The following CCDC17 variants were observed in gnomAD, a reference collection of about 807,000 sequenced individuals.
CCDC17 encodes the protein coiled-coil domain-containing protein 17.
A neutral mutation model predicts 68.0 loss-of-function variants in CCDC17; 79 were observed. The ratio of observed to expected loss-of-function variants is 1.16; its 90% CI spans 0.97 to 1.40. CCDC17 has a LOEUF of 1.40. Ranked by LOEUF, CCDC17 falls within the 40% of genes most tolerant of loss-of-function variation. The pLI is 0.00. For synonymous variants in CCDC17, 376 were observed against 337.5 expected (o/e 1.11, Z -1.25); for missense variants, 846 against 811.5 (o/e 1.04, Z -0.52).
At chr1:45,620,600 G>A (rs1167777989) in intron 12 of CCDC17, 123 bp downstream of exon 12, 1 of 1,506,548 alleles carries the variant, frequency 6.6e-7, no homozygotes, top group South Asian at 1.3e-5. Flanking sequence ...AGAGATGTGA[G>A]GATCAAACAA....
chr1:45,621,581 C>T, intron 9 of CCDC17, 57 bp downstream of exon 9: 9 of 1,600,458 alleles, frequency 5.6e-6, no homozygotes, highest in Non-Finnish European at 7.7e-6. Flanking sequence ...AGTGGGCTCC[C>T]TTAACCAGCA....
intron 3 of CCDC17, 49 bp from the exon 4 acceptor site, chr1:45,623,166 A>T: frequency 6.5e-7 from 1 of 1,539,030 alleles, no homozygotes; most frequent in Non-Finnish European, 8.8e-7. Context: ...AGCTTAAGCC[A>T]AACGGCGAGG....
At chr1:45,621,786 TC>T in intron 8 of CCDC17, 51 bp from the exon 9 acceptor site, 2 of 1,606,202 alleles carry the variant, frequency 1.2e-6, no homozygotes, top group Non-Finnish European at 1.7e-6. Context: ...CTGCTCATGT[TC>T]CCCCAACTGC....
chr1:45,621,898 T>A lies in CCDC17; in HGVS notation c.1065A>T (p.Pro355=). Residue 355 remains proline (P), a synonymous_variant, in exon 8 of 13, where the codon CCA becomes CCT. Coordinates refer to ENST00000528266, the MANE Select transcript of CCDC17 (RefSeq NM_001114938.3). ...GAACCTCCGAGAAGCCTGGAAGTGG[T>A]GGCAGCGGTGGTGCCACCGGTGGCG... The part of the protein sequence containing the change: ...LLPPPVAPPL[P]PLPGFSEPQL... 2 of 1,601,516 alleles carry A rather than the reference T, an allele frequency of 1.2e-6. No homozygotes were observed. Among genetic ancestry groups the A allele is most frequent in the Non-Finnish European group, 1.7e-6 (2 of 1,175,014 alleles).
chr1:45,621,562 T>C, intron 9 of CCDC17, 76 bp downstream of exon 9: 1 of 1,586,680 alleles, frequency 6.3e-7, no homozygotes, highest in South Asian at 1.1e-5. Flanking sequence ...CCTAACCCTA[T>C]CTGGTCCTAG....
Position 45,622,229 on chromosome 1 carries a change from G to T in CCDC17, c.967+12C>A, listed in dbSNP as rs1436068907. ...ATAAGTGGGATGGGATAGGGTTGGGGTGCTCACTGACCCAAGGGTGCCCGA... is the reference window on the plus strand; with the variant it reads ...ATAAGTGGGATGGGATAGGGTTGGGTTGCTCACTGACCCAAGGGTGCCCGA... On this transcript the variant is annotated intron_variant, in intron 7 of 12. Transcript: ENST00000528266. 1 of 1,607,824 alleles carries T rather than the reference G, an allele frequency of 6.2e-7. No individual in the cohort carries two copies. The highest frequency in any genetic ancestry group is 1.1e-5 in the South Asian group (1 of 90,318).
Position 45,622,953 on chromosome 1 carries a change from A to G in CCDC17, c.656+2T>C, listed in dbSNP as rs1644326454. On this transcript the variant is annotated splice_donor_variant, in intron 4 of 12. Coordinates refer to ENST00000528266, the MANE Select transcript of CCDC17 (RefSeq NM_001114938.3). LOFTEE classifies it high-confidence loss of function. ...CCGGGGATCCGCTTAGTCGGGTCTCACCCTGGCTCCGCCTGCAGCTCCTGA... is the reference window on the plus strand; with the variant it reads ...CCGGGGATCCGCTTAGTCGGGTCTCGCCCTGGCTCCGCCTGCAGCTCCTGA... 1 of 1,596,944 alleles carries G rather than the reference A, an allele frequency of 6.3e-7. No individual in the cohort carries two copies. Among genetic ancestry groups the G allele is most frequent in the Non-Finnish European group, 8.5e-7 (1 of 1,170,906 alleles).
chr1:45,623,868 C>G lies in CCDC17; in HGVS notation c.42G>C (p.Gly14=). 1 of 1,547,740 alleles carries G rather than the reference C, an allele frequency of 6.5e-7. No individual in the cohort carries two copies. Among genetic ancestry groups the G allele is most frequent in the African/African-American group, 1.4e-5 (1 of 73,022 alleles). The change falls in exon 1 of 13, where the codon GGG becomes GGC. Residue 14 remains glycine, a synonymous_variant. Coordinates refer to ENST00000528266, the MANE Select transcript of CCDC17 (RefSeq NM_001114938.3). ...AGGAGCGGAAAACCATGTCACAGGT[C>G]CCACAGGGCAGGAGCGCAGGCTCCC... ...HSGEPALLPC[G]TCDMVFRSSA... is the part of the protein sequence containing the mutation.
Position 45,622,741 on chromosome 1 carries a change from C to G in CCDC17, c.740+10G>C. 2 of 1,581,846 alleles carry G rather than the reference C, an allele frequency of 1.3e-6. No homozygotes were observed. Among genetic ancestry groups the G allele is most frequent in the South Asian group, 2.3e-5 (2 of 86,510 alleles). On this transcript the variant is annotated intron_variant, in intron 5 of 12. Coordinates refer to ENST00000528266, the MANE Select transcript of CCDC17 (RefSeq NM_001114938.3). ...TTCGCCCTATGCCCATCTCCGGCCC[C>G]GGCTCTCACCGGATTTCGGCAGCCA...
rs566934492 is a variant in CCDC17 at position 45,620,235 on chromosome 1, C to T, written c.*40G>A. The T allele has an allele frequency of 1.6e-5, 26 of 1,587,762 alleles. No individual in the cohort carries two copies. In the South Asian group the frequency reaches 2.8e-4, roughly 17 times the overall value. On this transcript the variant is annotated 3_prime_UTR_variant, in exon 13 of 13. Transcript: ENST00000528266. ...GTAGGTCTGGAAATAGGCCCCAGTCCTGTGCATGTTCAGATGCTCATCTCC... is the reference window on the plus strand; with the variant it reads ...GTAGGTCTGGAAATAGGCCCCAGTCTTGTGCATGTTCAGATGCTCATCTCC...
At chr1:45,621,818 A>G (rs995997096) in intron 8 of CCDC17, 59 bp downstream of exon 8, 15 of 1,595,828 alleles carry the variant, frequency 9.4e-6, no homozygotes, top group East Asian at 9.0e-5. Flanking sequence ...GCTGCCTCCA[A>G]CCTGTTCCCC....
Position 45,621,620 on chromosome 1 carries a change from A to G in CCDC17, c.1184+18T>C, listed in dbSNP as rs1475695742. On this transcript the variant is annotated intron_variant, in intron 9 of 12. Transcript: ENST00000528266. ...CTGGCCAAGTCACAGAGGCTGTCGAAGGTGGCACGGGCCTCACCCAGGATC... is the reference window on the plus strand; with the variant it reads ...CTGGCCAAGTCACAGAGGCTGTCGAGGGTGGCACGGGCCTCACCCAGGATC... The G allele has an allele frequency of 1.2e-6, 2 of 1,611,870 alleles. No individual in the cohort carries two copies. The highest frequency in any genetic ancestry group is 1.7e-6 in the Non-Finnish European group (2 of 1,179,096).
chr1:45,621,215 T>C, intron 10 of CCDC17, 66 bp downstream of exon 10: 1 of 1,543,776 alleles, frequency 6.5e-7, no homozygotes, highest in East Asian at 2.4e-5. Flanking sequence ...ATGAGAAAAC[T>C]TAGCAGAATG....
intron 3 of CCDC17, 46 bp from the exon 4 acceptor site, chr1:45,623,163 G>A: frequency 1.3e-6 from 2 of 1,538,932 alleles, no homozygotes; most frequent in African/African-American, 1.4e-5. Flanking sequence ...GCAAGCTTAA[G>A]CCAAACGGCG....
In CCDC17 at chr1:45,623,274, C is replaced by T. The variant is rs747359235; in HGVS notation, c.436G>A (p.Ala146Thr). 63 of 1,547,364 alleles carry T rather than the reference C, an allele frequency of 4.1e-5. No individual in the cohort carries two copies. The South Asian group carries it at 7.1e-4, about 18-fold the overall frequency. The change falls in exon 3 of 13, where the codon GCG becomes ACG. Residue 146 changes from alanine (A) to threonine (T), a missense_variant. Coordinates refer to ENST00000528266, the MANE Select transcript of CCDC17 (RefSeq NM_001114938.3). The part of the protein sequence containing the change: ...ERLRALFRTR[A>T]RRVAEMEAQS... ...GCTTCCATCTCCGCCACGCGCCTCG[C>T]GCGAGTCCTGAACAGCGCCCGCAGC... is the stretch of plus-strand genomic sequence containing the variant.
Position 45,623,091 on chromosome 1 carries a change from C to T in CCDC17, c.520G>A (p.Ala174Thr). The T allele has an allele frequency of 6.3e-7, 1 of 1,588,774 alleles. No homozygotes were observed. Among genetic ancestry groups the T allele is most frequent in the Non-Finnish European group, 8.6e-7 (1 of 1,168,192 alleles). ...EELSRRLQVV[A>T]CTRGGMSRLF... ...CGGGACATCCCGCCCCGCGTACAGG[C>T]CACAACTTGGAGGCGTCGGCTCAGT... The change falls in exon 4 of 13, where the codon GCC becomes ACC. Residue 174 changes from alanine (A) to threonine (T), a missense_variant. Ala to Thr is a moderately conservative substitution (Grantham distance 58, BLOSUM62 0). Transcript: ENST00000528266.
Position 45,621,860 on chromosome 1 carries a change from C to G in CCDC17, c.1086+17G>C, listed in dbSNP as rs371737891. On this transcript the variant is annotated intron_variant, in intron 8 of 12. Transcript: ENST00000528266. The stretch of plus-strand genomic sequence containing the variant: ...ACCCCGTGTCCTCACAGCCTTTGCC[C>G]CACCCAAGAACTGAACCTCCGAGAA... The G allele has an allele frequency of 6.3e-7, 1 of 1,596,752 alleles. No homozygotes were observed. The highest frequency in any genetic ancestry group is 8.5e-7 in the Non-Finnish European group (1 of 1,171,656).
Position 45,620,651 on chromosome 1 carries a change from G to GCTGGC in CCDC17, c.1710+67_1710+71dup, listed in dbSNP as rs754940258. 6 of 1,547,860 alleles carry GCTGGC rather than the reference G, an allele frequency of 3.9e-6. No homozygotes were observed. In the South Asian group the frequency reaches 7.2e-5, roughly 19 times the overall value. On this transcript the variant is annotated intron_variant, in intron 12 of 12. Transcript: ENST00000528266. ...GACTGGCACACAGTGGTCAATAAAGGCTGGCCGTTAGCCATACCAGCCACA... is the reference window on the plus strand; with the variant it reads ...GACTGGCACACAGTGGTCAATAAAGGCTGGCCTGGCCGTTAGCCATACCAGCCACA...
Position 45,622,975 on chromosome 1 carries a change from C to A in CCDC17, c.636G>T (p.Gln212His), listed in dbSNP as rs1417893355. Residue 212 changes from glutamine (Q) to histidine (H), a missense_variant, in exon 4 of 13, where the codon CAG becomes CAT. Physicochemically the swap from Gln to His is conservative, Grantham distance 24 (BLOSUM62 0). Coordinates refer to ENST00000528266, the MANE Select transcript of CCDC17 (RefSeq NM_001114938.3). ...CTCACCCTGGCTCCGCCTGCAGCTC[C>A]TGAATGCGGGCCCCCAACACCTCTA... ...GALEVLGARI[Q>H]ELQAEPGNPL... 2 of 1,602,752 alleles carry A rather than the reference C, an allele frequency of 1.2e-6. No homozygotes were observed. Among genetic ancestry groups the A allele is most frequent in the Non-Finnish European group, 1.7e-6 (2 of 1,173,692 alleles).
Sources: allele counts gnomAD v4.1 joint callset, GRCh38; gene constraint gnomAD v4.1.1; transcripts MANE v1.5; gene names NCBI Gene and HGNC (gene_info 2026-07-23, HGNC 2026-07-21).